Variants in SPATA6L observed in about 807,000 individuals in gnomAD.
The protein encoded by SPATA6L is spermatogenesis associated 6-like protein.
A neutral mutation model predicts 49.2 loss-of-function variants in SPATA6L; 68 were observed. The ratio of observed to expected loss-of-function variants is 1.38; its 90% CI spans 1.14 to 1.69. The LOEUF (loss-of-function observed/expected upper bound fraction) is 1.69. Among genes scored for constraint, SPATA6L ranks in the 40% most tolerant of loss-of-function variants. SPATA6L has a pLI of 0.00. For synonymous variants in SPATA6L, 198 were observed against 165.7 expected, an observed-to-expected ratio of 1.19 and a Z score of -1.50; for missense variants, 668 against 464.3, an observed-to-expected ratio of 1.44 and a Z score of -4.03.
At chr9:4,603,007 G>A (rs1056820562) in intron 11 of SPATA6L, among the ~76,000 whole-genome samples, 4 of 152,134 alleles carry the variant, frequency 2.6e-5, no homozygotes, top group African/African-American at 9.7e-5. Context: ...GGCTTGAATG[G>A]AAAAGAAAAG....
At position 4,662,735 on chromosome 9, in the gene SPATA6L, C is replaced by A. The variant is rs948110047; in HGVS notation, c.40-699G>T. 54 of 1,603,092 alleles carry A rather than the reference C, an allele frequency of 3.4e-5. No homozygotes were observed. Among genetic ancestry groups the A allele is most frequent in the Non-Finnish European group, 4.5e-5 (53 of 1,179,914 alleles). ...GGCTGTCCAAGAAGCTGGGGGTGTGCGCGGGAGAGAGCTCGTCGTGGGGCA... is the reference window on the plus strand; with the variant it reads ...GGCTGTCCAAGAAGCTGGGGGTGTGAGCGGGAGAGAGCTCGTCGTGGGGCA... On this transcript the variant is annotated intron_variant, in intron 1 of 11. Transcript: ENST00000682582. This position sits in a 1 kb window ranked among gnomAD's most constrained non-coding sequence, Gnocchi z 4.9.
intron 5 of SPATA6L, chr9:4,627,205 A>G (rs1165042801): frequency 6.5e-6 from 1 of 152,940 alleles, no homozygotes; most frequent in Non-Finnish European, 1.5e-5. Flanking sequence ...TAACACTGAA[A>G]GAAGGACCTA....
chr9:4,638,469 TCCCG>T (rs1483002599), intron 3 of SPATA6L, among the ~76,000 whole-genome samples: 1 of 152,200 alleles, frequency 6.6e-6, no homozygotes, highest in East Asian at 1.9e-4. Flanking sequence ...TGCCTCAGCC[TCCCG>T]AAGTGCTGGG....
rs371011549 is a variant in SPATA6L, at chr9:4,659,508, T to C, written c.177+2391A>G. On this transcript the variant is annotated intron_variant, in intron 2 of 11. Coordinates refer to ENST00000682582, the MANE Select transcript of SPATA6L (RefSeq NM_001353486.2). ...CTCTTCAAGGAGAACTACAAACCAC[T>C]GATCAACAAAATAAAAAAGAGGACA... Among the ~76,000 whole-genome samples the C allele has an allele frequency of 5.3e-5, 8 of 151,726 alleles. No homozygotes were observed. The East Asian group carries it at 1.4e-3, about 26-fold the overall frequency.
chr9:4,646,353 T>C (rs2098485302), intron 3 of SPATA6L: 2 of 477,262 alleles, frequency 4.2e-6, no homozygotes, highest in East Asian at 3.5e-5. Flanking sequence ...GCATGTGTTA[T>C]ATAAACTTAC....
chr9:4,635,519 T>C lies in SPATA6L; in HGVS notation c.227-120A>G, dbSNP rs1157175796. 5.3e-6 allele frequency: 5 copies of C among 935,530 alleles called. No individual in the cohort carries two copies. In the East Asian group the frequency reaches 1.3e-4, roughly 24 times the overall value. The allele number at this position is 935,530 out of a possible 1,614,324, so 58.0% of individuals were successfully genotyped here. On this transcript the variant is annotated intron_variant, in intron 3 of 11. Transcript: ENST00000682582. ...CAGGTAAAAATAGACATATTGATCC[T>C]AGCACATGTTATTCAAGAGGAGACT...
chr9:4,593,972 T>C (rs1189434465), downstream of SPATA6L, among the ~76,000 whole-genome samples: 2 of 152,186 alleles, frequency 1.3e-5, no homozygotes, highest in East Asian at 3.8e-4. Flanking sequence ...TCCAATATTA[T>C]GGATTCCACT....
Position 4,617,975 on chromosome 9 carries a change from A to T in SPATA6L, c.943T>A (p.Tyr315Asn). Reference sequence around the variant, plus strand: ...GGGCCAGGAGAGGTGGAATGCTGGTAGGTGGCAAATGAAGCTTTCCCGTGG... The same window carrying T: ...GGGCCAGGAGAGGTGGAATGCTGGTTGGTGGCAAATGAAGCTTTCCCGTGG... ...DFHGKASFAT[Y>N]QHSTSPGPLD... The change falls in exon 9 of 12, where the codon TAC becomes AAC. Residue 315 changes from tyrosine to asparagine, a missense_variant. Transcript: ENST00000682582. 2 of 1,614,074 alleles carry T rather than the reference A, an allele frequency of 1.2e-6. No homozygotes were observed. The highest frequency in any genetic ancestry group is 1.7e-6 in the Non-Finnish European group (2 of 1,179,988).
chr9:4,655,153 CAATTGATGACTAGAAAAACAA>C (rs1167678300), intron 3 of SPATA6L, among the ~76,000 whole-genome samples: 1 of 152,192 alleles, frequency 6.6e-6, no homozygotes, highest in African/African-American at 2.4e-5. Flanking sequence ...AAATGTCCAT[CAATTGATGACTAGAAAAACAA>C]AATGTGATAT....
At chr9:4,631,910 T>C (rs2130530138) in intron 4 of SPATA6L, among the ~76,000 whole-genome samples, 2 of 152,030 alleles carry the variant, frequency 1.3e-5, no homozygotes, top group South Asian at 4.2e-4. Flanking sequence ...ACCTTCCCTC[T>C]CCATTAAAGT....
intron 13 of SPATA6L, among the ~76,000 whole-genome samples, chr9:4,592,898 C>T (rs919958441): frequency 6.6e-6 from 1 of 152,134 alleles, no homozygotes; most frequent in African/African-American, 2.4e-5. Flanking sequence ...TAAATATGTA[C>T]ACCTTTAGTA....
rs775540602 is a variant in SPATA6L at position 4,629,177 on chromosome 9, C to G, written c.352-9G>C. The stretch of plus-strand genomic sequence containing the variant: ...ATTTTGGGAGCAATGCCCTATAAAA[C>G]AGCATAAAAAAAGCAAATAAAATTA... On this transcript the variant is annotated splice_polypyrimidine_tract_variant and intron_variant, in intron 4 of 11. Transcript: ENST00000682582. 1 of 1,530,262 alleles carries G rather than the reference C, an allele frequency of 6.5e-7. No individual in the cohort carries two copies. The highest frequency in any genetic ancestry group is 2.0e-5 in the Admixed American group (1 of 50,528). The allele number at this position is 1,530,262 out of a possible 1,614,324, so 94.8% of individuals were successfully genotyped here.
intron 2 of SPATA6L, 67 bp downstream of exon 2, chr9:4,661,832 T>A: frequency 6.4e-7 from 1 of 1,558,732 alleles, no homozygotes; most frequent in Non-Finnish European, 8.8e-7. Flanking sequence ...CTGTAAGAAC[T>A]CTGTTCTTTA....
chr9:4,662,104 C>G lies in SPATA6L; in HGVS notation c.40-68G>C. The G allele has an allele frequency of 6.4e-7, 1 of 1,572,550 alleles. No individual in the cohort carries two copies. The highest frequency in any genetic ancestry group is 1.2e-5 in the South Asian group (1 of 85,622). ...CTTTGCTTTGTTTTGTTACACGGGGCTCTATTTCTCTTAAGCTCCTACAGA... is the reference window on the plus strand; with the variant it reads ...CTTTGCTTTGTTTTGTTACACGGGGGTCTATTTCTCTTAAGCTCCTACAGA... On this transcript the variant is annotated intron_variant, in intron 1 of 11. Coordinates refer to ENST00000682582, the MANE Select transcript of SPATA6L (RefSeq NM_001353486.2). This position sits in a 1 kb window ranked among gnomAD's most constrained non-coding sequence, Gnocchi z 4.9.
Position 4,629,142 on chromosome 9 carries a change from A to G in SPATA6L, c.378T>C (p.Ser126=), listed in dbSNP as rs1226979182. The change falls in exon 5 of 12, where the codon TCT becomes TCC. Residue 126 remains serine, a synonymous_variant. Coordinates refer to ENST00000682582, the MANE Select transcript of SPATA6L (RefSeq NM_001353486.2). Reference sequence around the variant, plus strand: ...CACATTCTCTGATGGCTGTCCTTGTAGAAAACTCTATTTTGGGAGCAATGC... The same window carrying G: ...CACATTCTCTGATGGCTGTCCTTGTGGAAAACTCTATTTTGGGAGCAATGC... The part of the protein sequence containing the change: ...FPGIAPKIEF[S]TRTAIRECVF... 2 of 1,611,124 alleles carry G rather than the reference A, an allele frequency of 1.2e-6. No individual in the cohort carries two copies. The highest frequency in any genetic ancestry group is 1.7e-6 in the Non-Finnish European group (2 of 1,179,256).
At chr9:4,661,770 T>C in intron 2 of SPATA6L, 129 bp downstream of exon 2, 4 of 909,662 alleles carry the variant, frequency 4.4e-6, no homozygotes, top group East Asian at 3.4e-5. Context: ...TTTTGCATTG[T>C]GCTGAAGTGC....
chr9:4,629,352 A>T (rs1305895383), intron 4 of SPATA6L, among the ~76,000 whole-genome samples, 184 bp from the exon 5 acceptor site: 1 of 152,168 alleles, frequency 6.6e-6, no homozygotes, highest in Non-Finnish European at 1.5e-5. Context: ...TATGTATCAG[A>T]GCCAGGCCTA....
intron 4 of SPATA6L, among the ~76,000 whole-genome samples, chr9:4,631,540 T>G (rs960168079): frequency 6.6e-6 from 1 of 152,024 alleles, no homozygotes; most frequent in African/African-American, 2.4e-5. Context: ...ATAAAAAAAT[T>G]CTTGACCTCA....
chr9:4,642,928 T>C (rs535515657), intron 3 of SPATA6L, among the ~76,000 whole-genome samples: 1 of 152,200 alleles, frequency 6.6e-6, no homozygotes, highest in East Asian at 1.9e-4. Flanking sequence ...AAAATGAAAA[T>C]TTTTAAGAAG....
Sources: gnomAD v4.1 joint callset for allele counts (sites outside exome capture counted in the v4.1 genomes callset) on GRCh38, gnomAD v4.1.1 for gene constraint, Gnocchi (gnomAD v3.1) non-coding constraint, MANE v1.5 for transcripts, NCBI Gene and HGNC (gene_info 2026-07-23, HGNC 2026-07-21) for gene names.